The following ATRN variants were observed in gnomAD, a reference collection of about 807,000 sequenced individuals.
ATRN encodes the protein attractin-2.
A neutral mutation model predicts 178.7 loss-of-function variants in ATRN; 54 were observed. That is an observed-to-expected ratio of 0.30 (90% CI 0.24 to 0.38). ATRN has a LOEUF of 0.38. Ranked by LOEUF, ATRN falls within the 10% of genes least tolerant of loss-of-function variation. The probability of loss-of-function intolerance (pLI) is 1.00; values close to 1 mark genes in which losing one functional copy is unlikely to be tolerated. For synonymous variants in ATRN, 636 were observed against 663.0 expected (o/e 0.96, Z 0.63); for missense variants, 1,443 against 1,815.1 (o/e 0.79, Z 3.73).
chr20:3,596,132 C>A (rs898614884), intron 20 of ATRN, among the ~76,000 whole-genome samples: 2 of 152,188 alleles, frequency 1.3e-5, no homozygotes, highest in Non-Finnish European at 2.9e-5. Context: ...ATTTGGATTT[C>A]TCTCATTGCT....
chr20:3,604,811 A>G (rs1431020707), intron 24 of ATRN, among the ~76,000 whole-genome samples: 2 of 152,190 alleles, frequency 1.3e-5, no homozygotes, highest in African/African-American at 4.8e-5. Flanking sequence ...TTCTCTGTGC[A>G]TGTGACCTGA....
chr20:3,497,798 C>T (rs1356719683), intron 1 of ATRN, among the ~76,000 whole-genome samples: 1 of 152,154 alleles, frequency 6.6e-6, no homozygotes, highest in African/African-American at 2.4e-5. Flanking sequence ...TTCAGGTACA[C>T]CAATCAGACG....
At chr20:3,598,299 A>C (rs970296160) in intron 22 of ATRN, among the ~76,000 whole-genome samples, 1 of 152,230 alleles carries the variant, frequency 6.6e-6, no homozygotes, top group African/African-American at 2.4e-5. Context: ...CCACCATCAG[A>C]GGGCAGATAG....
chr20:3,547,421 G>T lies in ATRN; in HGVS notation c.875G>T (p.Gly292Val). 1 of 1,614,132 alleles carries T rather than the reference G, an allele frequency of 6.2e-7. No homozygotes were observed. The highest frequency in any genetic ancestry group is 8.5e-7 in the Non-Finnish European group (1 of 1,179,990). The change falls in exon 5 of 29, where the codon GGT (glycine) becomes GTT (valine). Residue 292 changes from glycine to valine, a missense_variant. Around this residue, in one of 4 missense-constraint regions of ATRN, gnomAD observed 862 missense variants for 972.1 expected, o/e 0.89. Transcript: ENST00000262919. ...ATTCCTCACTGTACAGACAACTGTG[G>T]TTTTCCTCATCGAGGCATCTGCAAT... Reference protein sequence around the residue: ...CDIPHCTDNCGFPHRGICNSS... With the variant: ...CDIPHCTDNCVFPHRGICNSS...
In ATRN at chr20:3,572,760, G is replaced by A. The variant is rs1028594927; in HGVS notation, c.1901G>A (p.Ser634Asn). 6.2e-7 allele frequency: 1 copy of A among 1,613,658 alleles called. No homozygotes were observed. The highest frequency in any genetic ancestry group is 8.5e-7 in the Non-Finnish European group (1 of 1,179,942). Reference sequence around the variant, plus strand: ...ATGTATGTGTTCGGTGGTTTCAATAGTCTCCTCCTCAGCGACATCCTGGTA... The same window carrying A: ...ATGTATGTGTTCGGTGGTTTCAATAATCTCCTCCTCAGCGACATCCTGGTA... The part of the protein sequence containing the change: ...STMYVFGGFN[S>N]LLLSDILVFT... The change falls in exon 12 of 29, where the codon AGT (serine) becomes AAT (asparagine). Residue 634 changes from serine (S) to asparagine (N), a missense_variant. Ser to Asn is a conservative substitution (Grantham distance 46, BLOSUM62 1). This residue lies in a region of ATRN where 862 missense variants were observed against 972.1 expected (regional missense o/e 0.89). Coordinates refer to ENST00000262919, the MANE Select transcript of ATRN (RefSeq NM_139321.3).
At chr20:3,642,559 C>T (rs933768282) in intron 27 of ATRN, among the ~76,000 whole-genome samples, 11 of 152,286 alleles carry the variant, frequency 7.2e-5, no homozygotes, top group Admixed American at 2.0e-4. Flanking sequence ...CCACTATTCC[C>T]ACTTGATCTA....
chr20:3,588,334 C>A (rs1182439645), intron 18 of ATRN, among the ~76,000 whole-genome samples: 1 of 151,898 alleles, frequency 6.6e-6, no homozygotes, highest in African/African-American at 2.4e-5. Context: ...TTTATACATG[C>A]CCTTTATTGG....
intron 24 of ATRN, chr20:3,615,864 A>G (rs1356080437): frequency 2.2e-6 from 1 of 454,240 alleles, no homozygotes; most frequent in Non-Finnish European, 4.4e-6. Flanking sequence ...GGACACAGGA[A>G]GGGGAACATC....
rs1359246004 is a variant in ATRN, at chr20:3,638,840, G to T, written c.3955G>T (p.Glu1319Ter). 6.2e-7 allele frequency: 1 copy of T among 1,614,154 alleles called. No homozygotes were observed. The highest frequency in any genetic ancestry group is 1.7e-5 in the Admixed American group (1 of 60,016). ...TATTATTTATCAGCAACTTCTTCGA[G>T]AGATGCAACAGATGGCCAGCCGTCC... is the stretch of plus-strand genomic sequence containing the variant. ...ASRRREQLLR[E>*]MQQMASRPFA... Residue 1319 changes from glutamate to a stop codon, truncating the protein, a stop_gained, in exon 27 of 29, where the codon GAG (glutamate) becomes TAG (stop). Transcript: ENST00000262919. LOFTEE classifies it high-confidence loss of function. This position sits in a 1 kb window ranked among gnomAD's most constrained non-coding sequence, Gnocchi z 4.5.
intron 1 of ATRN, among the ~76,000 whole-genome samples, chr20:3,495,186 A>G (rs2084861717): frequency 6.6e-6 from 1 of 152,176 alleles, no homozygotes. Context: ...TTAGATCAAA[A>G]TTTTCTGATA....
intron 8 of ATRN, 114 bp from the exon 9 acceptor site, chr20:3,562,162 G>T (rs1443211716): frequency 1.8e-4 from 148 of 844,018 alleles, no homozygotes; most frequent in Non-Finnish European, 3.1e-5. Flanking sequence ...AGATAAAAAA[G>T]TATATGTATC....
chr20:3,532,004 C>T (rs1470815903), intron 1 of ATRN, among the ~76,000 whole-genome samples: 1 of 152,096 alleles, frequency 6.6e-6, no homozygotes, highest in Non-Finnish European at 1.5e-5. Context: ...GTGGTGTGTG[C>T]CTGTAGTCTC....
In ATRN at chr20:3,583,110, G is replaced by C. The variant is rs558421075; in HGVS notation, c.2764+756G>C. ...TGTCTGAGGAATTACAGAGGTATAG[G>C]AGAGAATTCATAGCATTGTAGATTT... On this transcript the variant is annotated intron_variant, in intron 16 of 28. Coordinates refer to ENST00000262919, the MANE Select transcript of ATRN (RefSeq NM_139321.3). Among the ~76,000 whole-genome samples the C allele has an allele frequency of 2.8e-4, 42 of 152,342 alleles. 1 individual carries two copies. Among genetic ancestry groups the C allele is most frequent in the African/African-American group, 9.4e-4 (39 of 41,568 alleles).
rs1221555560 is a variant in ATRN, at chr20:3,572,502, T to C, written c.1872-229T>C. Among the ~76,000 whole-genome samples, 2 of 152,126 alleles carry C rather than the reference T, an allele frequency of 1.3e-5. 1 individual carries two copies. Among genetic ancestry groups the C allele is most frequent in the East Asian group, 3.9e-4 (2 of 5,194 alleles). On this transcript the variant is annotated intron_variant, in intron 11 of 28. Coordinates refer to ENST00000262919, the MANE Select transcript of ATRN (RefSeq NM_139321.3). The stretch of plus-strand genomic sequence containing the variant: ...GAAGACTTATGATATGTAAGATTTG[T>C]TTGAAGATTGTCTGTAAAAAGTGTA...
rs1198105567 is a variant in ATRN, at chr20:3,650,068, T to A, written c.*3221T>A. On this transcript the variant is annotated 3_prime_UTR_variant, in exon 29 of 29. Coordinates refer to ENST00000262919, the MANE Select transcript of ATRN (RefSeq NM_139321.3). ...AAAGGCAGTCCTGGACAGAAGACTGTCAGCAGAAGGAAAGTACTGGACTAC... is the reference window on the plus strand; with the variant it reads ...AAAGGCAGTCCTGGACAGAAGACTGACAGCAGAAGGAAAGTACTGGACTAC... 1 of 152,168 alleles carries A rather than the reference T, an allele frequency of 6.6e-6. No homozygotes were observed. Among genetic ancestry groups the A allele is most frequent in the African/African-American group, 2.4e-5 (1 of 41,416 alleles). The allele number at this position is 152,168 out of a possible 1,614,324, so 9.4% of individuals were successfully genotyped here.
intron 1 of ATRN, among the ~76,000 whole-genome samples, chr20:3,475,085 G>A (rs1451915591): frequency 6.6e-6 from 1 of 151,518 alleles, no homozygotes; most frequent in Non-Finnish European, 1.5e-5. Flanking sequence ...GGGGGCAAGA[G>A]TGAAATGTTG....
intron 12 of ATRN, among the ~76,000 whole-genome samples, chr20:3,574,095 GGCT>G (rs2086170207): frequency 2.0e-5 from 3 of 152,170 alleles, no homozygotes; most frequent in Admixed American, 6.5e-5. Flanking sequence ...AAAGTATGTT[GGCT>G]GAATTTCTTA....
intron 1 of ATRN, among the ~76,000 whole-genome samples, chr20:3,522,070 G>C (rs1039893832): frequency 6.6e-6 from 1 of 152,052 alleles, no homozygotes; most frequent in Non-Finnish European, 1.5e-5. Flanking sequence ...GGTTATAGAC[G>C]TGAGCCAGAG....
chr20:3,606,844 A>G (rs1441685821), intron 24 of ATRN, among the ~76,000 whole-genome samples: 1 of 152,160 alleles, frequency 6.6e-6, no homozygotes, highest in Non-Finnish European at 1.5e-5. Flanking sequence ...TGTTAAACTA[A>G]CTTTTAATAA....
Sources: allele counts gnomAD v4.1 joint callset (sites outside exome capture counted in the v4.1 genomes callset), GRCh38; gene constraint gnomAD v4.1.1; regional missense constraint gnomAD v4.1.1; non-coding constraint Gnocchi (gnomAD v3.1); transcripts MANE v1.5; gene names NCBI Gene and HGNC (gene_info 2026-07-23, HGNC 2026-07-21).